Variants in PRELID2 observed in about 807,000 individuals in gnomAD.
PRELID2 encodes the protein PRELI domain-containing protein 2.
A neutral mutation model predicts 28.4 loss-of-function variants in PRELID2; 25 were observed. That is an observed-to-expected ratio of 0.88 (90% CI 0.64 to 1.23). PRELID2 has a LOEUF of 1.23. Ranked by LOEUF, PRELID2 falls within the 50% of genes most tolerant of loss-of-function variation. PRELID2 has a pLI of 0.00. For synonymous variants in PRELID2, 76 were observed against 71.6 expected (o/e 1.06, Z -0.31); for missense variants, 201 against 214.4 (o/e 0.94, Z 0.39).
At chr5:145,497,174 T>C (rs1211592356) in intron 1 of PRELID2, among the ~76,000 whole-genome samples, 1 of 152,144 alleles carries the variant, frequency 6.6e-6, no homozygotes, top group African/African-American at 2.4e-5. Flanking sequence ...CAGTCTAGGA[T>C]AATTTGAAGG....
the PRELID2 span, among the ~76,000 whole-genome samples, chr5:145,388,842 C>T: frequency 1.3e-5 from 2 of 152,176 alleles, no homozygotes; most frequent in African/African-American, 4.8e-5. Context: ...TCCCATCATT[C>T]TCCATCATGA....
the PRELID2 span, among the ~76,000 whole-genome samples, chr5:145,447,470 CTTT>C: frequency 1.5e-5 from 2 of 134,670 alleles, no homozygotes; most frequent in East Asian, 2.2e-4. Context: ...CTGAAATTTT[CTTT>C]TTTTTTTTTT....
chr5:145,484,820 T>C (rs1404783913), intron 1 of PRELID2, among the ~76,000 whole-genome samples: 41 of 152,334 alleles, frequency 2.7e-4, no homozygotes, highest in Non-Finnish European at 1.5e-5. Flanking sequence ...TTTACTGTAT[T>C]TCCCATTAGA....
At chr5:145,623,732 G>A (rs979217363) in intron 1 of PRELID2, among the ~76,000 whole-genome samples, 3 of 152,170 alleles carry the variant, frequency 2.0e-5, no homozygotes, top group Non-Finnish European at 2.9e-5. Flanking sequence ...GTTAAAATAA[G>A]CATTTCCCCA....
chr5:145,666,131 T>A (rs1754589445), intron 1 of PRELID2, among the ~76,000 whole-genome samples: 1 of 152,036 alleles, frequency 6.6e-6, no homozygotes, highest in African/African-American at 2.4e-5. Context: ...CTCCAGGTAT[T>A]TCTCTCCTTT....
At chr5:145,310,261 T>A in the PRELID2 span, among the ~76,000 whole-genome samples, 1 of 152,224 alleles carries the variant, frequency 6.6e-6, no homozygotes, top group Non-Finnish European at 1.5e-5. Flanking sequence ...TTAAATTAGC[T>A]TCCTATGTAG....
chr5:145,278,622 A>G, the PRELID2 span, among the ~76,000 whole-genome samples: 76 of 152,266 alleles, frequency 5.0e-4, no homozygotes, highest in African/African-American at 1.6e-3. Context: ...CCTACATAAC[A>G]TAATCATGGA....
At chr5:145,497,668 T>C (rs927434448) in intron 1 of PRELID2, among the ~76,000 whole-genome samples, 5 of 152,180 alleles carry the variant, frequency 3.3e-5, no homozygotes, top group African/African-American at 1.2e-4. Flanking sequence ...TTGCCTGTGC[T>C]CACTCAAGTA....
At chr5:145,392,207 A>G in the PRELID2 span, among the ~76,000 whole-genome samples, 3 of 152,212 alleles carry the variant, frequency 2.0e-5, no homozygotes, top group African/African-American at 4.8e-5. Context: ...TTATAAAGAA[A>G]AAAGGTTTAA....
At chr5:145,347,653 A>C in the PRELID2 span, among the ~76,000 whole-genome samples, 3 of 151,946 alleles carry the variant, frequency 2.0e-5, no homozygotes, top group African/African-American at 7.2e-5. Flanking sequence ...GAGGTGGTTG[A>C]GGGTTCATTC....
intron 1 of PRELID2, among the ~76,000 whole-genome samples, chr5:145,831,086 A>G (rs1457147358): frequency 2.0e-5 from 3 of 152,230 alleles, no homozygotes; most frequent in African/African-American, 7.2e-5. Flanking sequence ...AGAAAAATAA[A>G]AGTGTATTTT....
At chr5:145,413,904 A>T in the PRELID2 span, among the ~76,000 whole-genome samples, 11 of 152,092 alleles carry the variant, frequency 7.2e-5, no homozygotes, top group African/African-American at 2.7e-4. Context: ...ATCATATTTT[A>T]TTGTGTCTAT....
At chr5:145,579,426 G>A (rs1233176811) in intron 1 of PRELID2, among the ~76,000 whole-genome samples, 2 of 152,080 alleles carry the variant, frequency 1.3e-5, no homozygotes, top group African/African-American at 2.4e-5. Flanking sequence ...TAATTCATCA[G>A]TTTTATTGCC....
chr5:145,556,177 C>CA (rs1231402100), intron 1 of PRELID2, among the ~76,000 whole-genome samples: 1,291 of 60,490 alleles, frequency 0.021, 8 homozygotes, highest in South Asian at 0.057. Flanking sequence ...GACTCTATCT[C>CA]AAAAAAAAAA....
At chr5:145,802,672 C>T (rs1391621217) in intron 4 of PRELID2, among the ~76,000 whole-genome samples, 1 of 152,164 alleles carries the variant, frequency 6.6e-6, no homozygotes, top group Non-Finnish European at 1.5e-5. Context: ...GGCTCACCCA[C>T]TCAAGCAGTG....
intron 1 of PRELID2, among the ~76,000 whole-genome samples, chr5:145,690,571 C>CA (rs1016955136): frequency 3.7e-4 from 57 of 152,314 alleles, no homozygotes; most frequent in African/African-American, 1.4e-3. Flanking sequence ...GCTACATCAA[C>CA]ATGGAGAGCA....
intron 3 of PRELID2, chr5:145,819,266 C>A: frequency 1.4e-6 from 1 of 733,704 alleles, no homozygotes. Flanking sequence ...CCTCTGAGAC[C>A]TGTTTAAAGG....
At chr5:145,239,057 C>T in the PRELID2 span, among the ~76,000 whole-genome samples, 2 of 152,020 alleles carry the variant, frequency 1.3e-5, no homozygotes, top group African/African-American at 2.4e-5. Flanking sequence ...ACATCTGAAG[C>T]ATTTTTTCTG....
chr5:145,640,126 A>T (rs1002279779), intron 1 of PRELID2, among the ~76,000 whole-genome samples: 2 of 152,090 alleles, frequency 1.3e-5, no homozygotes, highest in Admixed American at 6.5e-5. Flanking sequence ...AGATGAAGAG[A>T]GCTGTGATGG....
Sources: gnomAD v4.1 joint callset for allele counts (sites outside exome capture counted in the v4.1 genomes callset) on GRCh38, gnomAD v4.1.1 for gene constraint, MANE v1.5 for transcripts, NCBI Gene and HGNC (gene_info 2026-07-23, HGNC 2026-07-21) for gene names.